GAA: variants seen among roughly 807,000 people sequenced by gnomAD.
GAA encodes the protein alpha glucosidase, also known as lysosomal alpha-glucosidase.
In GAA, 88 loss-of-function variants were observed where a neutral mutation model predicts 103.9. The observed-to-expected ratio is 0.85, with a 90% CI of 0.71 to 1.01. GAA has a LOEUF of 1.01. Ranked by LOEUF, GAA falls within the 50% of genes least tolerant of loss-of-function variation. The probability of loss-of-function intolerance (pLI) is 0.00; values close to 1 mark genes in which losing one functional copy is unlikely to be tolerated. For missense variants in GAA, 1,350 were observed against 1,305.3 expected (o/e 1.03, Z -0.53); for synonymous variants, 572 against 563.1 (o/e 1.02, Z -0.22).
rs1324060669 is a variant in GAA, at chr17:80,113,345, T to G, written c.2168T>G (p.Val723Gly). ...FHQAHVAGET[V>G]ARPLFLEFPK... ...CAGGCCCACGTCGCGGGGGAGACCG[T>G]GGCCCGGCCCCTCTTCCTGGAGTGA... The change falls in exon 15 of 20, where the codon GTG (valine) becomes GGG (glycine). Residue 723 changes from valine (V) to glycine (G), a missense_variant. Transcript: ENST00000302262. 2 of 1,588,452 alleles carry G rather than the reference T, an allele frequency of 1.3e-6. No homozygotes were observed. The highest frequency in any genetic ancestry group is 3.5e-5 in the Admixed American group (2 of 57,308).
chr17:80,118,170 A>G (rs932095788), intron 17 of GAA, 23 bp from the exon 18 acceptor site: 2 of 1,612,174 alleles, frequency 1.2e-6, no homozygotes, highest in Non-Finnish European at 1.7e-6. Context: ...GGATGATGAC[A>G]TCACGTGTCC....
In GAA at chr17:80,111,352, C is replaced by T. The variant is rs185836937; in HGVS notation, c.1636+327C>T. On this transcript the variant is annotated intron_variant, in intron 11 of 19. Coordinates refer to ENST00000302262, the MANE Select transcript of GAA (RefSeq NM_000152.5). ...TACCCACCCGTGGGGAGAGGTCAGG[C>T]CCAACTCGAATGCAGCACGGGCAAG... Among the ~76,000 whole-genome samples the T allele has an allele frequency of 1.5e-3, 224 of 152,296 alleles. 2 individuals are homozygous for T. Among genetic ancestry groups the T allele is most frequent in the Non-Finnish European group, 1.8e-3 (125 of 68,020 alleles).
At chr17:80,111,935 A>T (rs759787900) in intron 11 of GAA, 48 bp from the exon 12 acceptor site, 1 of 1,535,568 alleles carries the variant, frequency 6.5e-7, no homozygotes, top group South Asian at 1.1e-5. Context: ...GGCACCTTGG[A>T]GCCTGCCGGG....
intron 3 of GAA, 93 bp downstream of exon 3, chr17:80,105,987 T>C (rs1567827511): frequency 4.8e-6 from 7 of 1,470,522 alleles, no homozygotes; most frequent in Non-Finnish European, 5.5e-6. Context: ...TCTCACACGA[T>C]GGGCAGGGCG....
At chr17:80,102,688 GCTGT>G (rs919242374) in intron 1 of GAA, 38 of 152,352 alleles carry the variant, frequency 2.5e-4, no homozygotes, top group African/African-American at 7.7e-4. Flanking sequence ...CTTCCATACG[GCTGT>G]CTGAGTTTTA....
chr17:80,117,698 C>G lies in GAA; in HGVS notation c.2430C>G (p.Pro810=), dbSNP rs554839058. The G allele has an allele frequency of 3.8e-5, 62 of 1,612,310 alleles. No individual in the cohort carries two copies. Among genetic ancestry groups the G allele is most frequent in the Non-Finnish European group, 5.1e-5 (60 of 1,179,890 alleles). Residue 810 remains proline, a synonymous_variant, in exon 17 of 20, where the codon CCC becomes CCG. Transcript: ENST00000302262. The part of the protein sequence containing the change: ...SEGQWVTLPA[P]LDTINVHLRA... Reference sequence around the variant, plus strand: ...GGCAGTGGGTGACGCTGCCGGCCCCCCTGGACACCATCAACGTCCACCTCC... The same window carrying G: ...GGCAGTGGGTGACGCTGCCGGCCCCGCTGGACACCATCAACGTCCACCTCC...
Position 80,104,737 on chromosome 17 carries a change from G to C in GAA, c.151G>C (p.Glu51Gln). The change falls in exon 2 of 20, where the codon GAG becomes CAG. Residue 51 changes from glutamate to glutamine, a missense_variant. Glu to Gln is a conservative substitution (Grantham distance 29, BLOSUM62 2). Transcript: ENST00000302262. This position sits in a 1 kb window ranked among gnomAD's most constrained non-coding sequence, Gnocchi z 4.0. The stretch of plus-strand genomic sequence containing the variant: ...GAGTGGCTCCTCCCCAGTCCTGGAG[G>C]AGACTCACCCAGCTCACCAGCAGGG... ...ELSGSSPVLE[E>Q]THPAHQQGAS... 6.2e-7 allele frequency: 1 copy of C among 1,611,746 alleles called. No individual in the cohort carries two copies. Among genetic ancestry groups the C allele is most frequent in the Non-Finnish European group, 8.5e-7 (1 of 1,179,494 alleles).
At chr17:80,117,275 C>G (rs2039376673) in intron 16 of GAA, among the ~76,000 whole-genome samples, 166 bp downstream of exon 16, 1 of 152,212 alleles carries the variant, frequency 6.6e-6, no homozygotes, top group Non-Finnish European at 1.5e-5. Context: ...CCATCAGCCT[C>G]TCCGCTCCTC....
Position 80,105,036 on chromosome 17 carries a change from C to T in GAA, c.450C>T (p.Ala150=). ...GCTCCTCTGAAATGGGCTACACGGC[C>T]ACCCTGACCCGTACCACCCCCACCT... The part of the protein sequence containing the change: ...NLSSSEMGYT[A]TLTRTTPTFF... The change falls in exon 2 of 20, where the codon GCC becomes GCT. Residue 150 remains alanine (A), a synonymous_variant. Transcript: ENST00000302262. The T allele has an allele frequency of 6.2e-7, 1 of 1,612,986 alleles. No individual in the cohort carries two copies. The highest frequency in any genetic ancestry group is 8.5e-7 in the Non-Finnish European group (1 of 1,180,036).
Position 80,110,930 on chromosome 17 carries a change from T to C in GAA, c.1552-11T>C, listed in dbSNP as rs2039221001. ...GGGCAGAGTCACCTACCAGCAGCGC[T>C]TCTCTTGCAGGACATGAACGAGCCT... On this transcript the variant is annotated splice_polypyrimidine_tract_variant and intron_variant, in intron 10 of 19. Coordinates refer to ENST00000302262, the MANE Select transcript of GAA (RefSeq NM_000152.5). 1 of 1,613,848 alleles carries C rather than the reference T, an allele frequency of 6.2e-7. No homozygotes were observed. The highest frequency in any genetic ancestry group is 2.2e-5 in the East Asian group (1 of 44,864).
intron 18 of GAA, 88 bp downstream of exon 18, chr17:80,118,445 A>G (rs1414852760): frequency 8.6e-6 from 13 of 1,509,018 alleles, no homozygotes; most frequent in Non-Finnish European, 1.2e-5. Context: ...GGGTCCCACG[A>G]TGGCTACCTG....
At chr17:80,113,164 G>C (rs1278701510) in intron 14 of GAA, 54 bp from the exon 15 acceptor site, 3 of 1,548,236 alleles carry the variant, frequency 1.9e-6, no homozygotes, top group Non-Finnish European at 2.6e-6. Context: ...GGGGACTCCA[G>C]GGGACCGCGG....
rs199571088 is a variant in GAA at position 80,113,277 on chromosome 17, C to T, written c.2100C>T (p.Thr700=). 5 of 1,601,276 alleles carry T rather than the reference C, an allele frequency of 3.1e-6. No individual in the cohort carries two copies. The East Asian group carries it at 6.8e-5, about 22-fold the overall frequency. Residue 700 remains threonine (T), a synonymous_variant, in exon 15 of 20, where the codon ACC becomes ACT. Coordinates refer to ENST00000302262, the MANE Select transcript of GAA (RefSeq NM_000152.5). ...PAQQAMRKAL[T]LRYALLPHLY... ...AGCAGGCCATGAGGAAGGCCCTCAC[C>T]CTGCGCTACGCACTCCTCCCCCACC... is the stretch of plus-strand genomic sequence containing the variant.
At chr17:80,113,739 C>G (rs1399291694) in intron 15 of GAA, among the ~76,000 whole-genome samples, 4 of 152,018 alleles carry the variant, frequency 2.6e-5, no homozygotes, top group Non-Finnish European at 5.9e-5. Context: ...GCTGTGGAGG[C>G]CAGGCACGGT....
chr17:80,108,045 C>T, intron 5 of GAA, 149 bp downstream of exon 5: 1 of 1,024,554 alleles, frequency 9.8e-7, no homozygotes, highest in South Asian at 1.5e-5. Context: ...CCTCTCCCAA[C>T]TCTGGCCTTC....
chr17:80,119,019 C>T (rs1444667360), intron 19 of GAA, among the ~76,000 whole-genome samples: 3 of 152,218 alleles, frequency 2.0e-5, no homozygotes, highest in Admixed American at 6.5e-5. Context: ...CAATGACGAC[C>T]TCTGAGCCGT....
At position 80,112,560 on chromosome 17, in the gene GAA, T is replaced by G. The variant is rs201399518; in HGVS notation, c.1755-18T>G. ...ACCCCGCTCCACACAGCCCTCACGGTGTCCCCCACCACCCCAGGGCGCTGG... is the reference window on the plus strand; with the variant it reads ...ACCCCGCTCCACACAGCCCTCACGGGGTCCCCCACCACCCCAGGGCGCTGG... On this transcript the variant is annotated intron_variant, in intron 12 of 19. Transcript: ENST00000302262. 6.2e-7 allele frequency: 1 copy of G among 1,612,846 alleles called. No individual in the cohort carries two copies. Among genetic ancestry groups the G allele is most frequent in the Non-Finnish European group, 8.5e-7 (1 of 1,179,916 alleles).
At chr17:80,105,169 G>A in intron 2 of GAA, 37 bp downstream of exon 2, 1 of 1,575,014 alleles carries the variant, frequency 6.3e-7, no homozygotes, top group African/African-American at 1.3e-5. Context: ...GGCCAGGGCA[G>A]AGGGTGCGCG....
intron 9 of GAA, 110 bp downstream of exon 9, chr17:80,110,165 G>A (rs1258913521): frequency 3.5e-6 from 3 of 847,376 alleles, no homozygotes; most frequent in Non-Finnish European, 5.8e-6. Flanking sequence ...CACGCCCAGT[G>A]GGACAGCTGA....
Sources: allele counts gnomAD v4.1 joint callset (sites outside exome capture counted in the v4.1 genomes callset), GRCh38; gene constraint gnomAD v4.1.1; non-coding constraint Gnocchi (gnomAD v3.1); transcripts MANE v1.5; gene names NCBI Gene and HGNC (gene_info 2026-07-23, HGNC 2026-07-21).